The following MINPP1 variants were observed in gnomAD, a reference collection of about 807,000 sequenced individuals.
MINPP1 encodes multiple inositol-polyphosphate phosphatase 1, also known as multiple inositol polyphosphate phosphatase 1.
MINPP1 carries 28 observed loss-of-function variants against 46.1 expected under a neutral mutation model. That is an observed-to-expected ratio of 0.61 (90% CI 0.45 to 0.83). The LOEUF is 0.83. Among genes scored for constraint, MINPP1 ranks in the 40% least tolerant of loss-of-function variants. The pLI, the probability that MINPP1 is intolerant of heterozygous loss-of-function variation, is 0.00. For synonymous variants in MINPP1, 268 were observed against 249.1 expected, an observed-to-expected ratio of 1.08 and a Z score of -0.72; for missense variants, 603 against 610.0, an observed-to-expected ratio of 0.99 and a Z score of 0.12.
At chr10:87,528,158 C>G (rs1291363104) in intron 4 of MINPP1, among the ~76,000 whole-genome samples, 2 of 152,076 alleles carry the variant, frequency 1.3e-5, no homozygotes, top group Non-Finnish European at 2.9e-5. Flanking sequence ...AAAAACCCAC[C>G]TCCTAGATTC....
At chr10:87,507,107 G>C (rs1254310008) in intron 1 of MINPP1, among the ~76,000 whole-genome samples, 1 of 152,160 alleles carries the variant, frequency 6.6e-6, no homozygotes, top group African/African-American at 2.4e-5. Flanking sequence ...CAGAGCCAGG[G>C]ATGAAAATAC....
intron 1 of MINPP1, chr10:87,507,957 A>G (rs1851277304): frequency 4.5e-6 from 6 of 1,333,114 alleles, no homozygotes; most frequent in Non-Finnish European, 5.7e-6. Context: ...GTGAAAAAAT[A>G]GATTCCATAT....
chr10:87,505,611 C>T lies in MINPP1; in HGVS notation c.637+59C>T. 1 of 1,497,990 alleles carries T rather than the reference C, an allele frequency of 6.7e-7. No individual in the cohort carries two copies. Among genetic ancestry groups the T allele is most frequent in the Non-Finnish European group, 9.0e-7 (1 of 1,112,640 alleles). The allele number at this position is 1,497,990 out of a possible 1,614,324, so 92.8% of individuals were successfully genotyped here. A position where few individuals can be genotyped will look rare whatever the true frequency, so the allele number is the denominator to read the frequency against. On this transcript the variant is annotated intron_variant, in intron 1 of 4. Coordinates refer to ENST00000371996, the MANE Select transcript of MINPP1 (RefSeq NM_004897.5). The surrounding 1 kb of genome is among the most constrained non-coding windows in gnomAD (Gnocchi z 4.4). The stretch of plus-strand genomic sequence containing the variant: ...TCCTCCCACCCGCCCTGGATGCTCT[C>T]CCGCCTCCCCCAGACCCTGGGCTTT...
intron 4 of MINPP1, among the ~76,000 whole-genome samples, chr10:87,541,762 A>G (rs572461829): frequency 6.6e-6 from 1 of 152,306 alleles, no homozygotes; most frequent in South Asian, 2.1e-4. Context: ...CGAAAGCGAG[A>G]GAAGGAAGAG....
rs1851279230 is a variant in MINPP1, at chr10:87,508,078, A to G, written c.638-258A>G. 4.7e-6 allele frequency: 7 copies of G among 1,474,228 alleles called. 1 individual carries two copies. Among genetic ancestry groups the G allele is most frequent in the Middle Eastern group, 2.4e-4 (1 of 4,148 alleles). The allele number at this position is 1,474,228 out of a possible 1,614,324, so 91.3% of individuals were successfully genotyped here. On this transcript the variant is annotated intron_variant, in intron 1 of 4. Transcript: ENST00000371996. The stretch of plus-strand genomic sequence containing the variant: ...ACTTATTAATGTATGATGCAATTTC[A>G]TTGCGTAGCATCTCTACAACACATT...
chr10:87,529,158 T>A (rs552898799), intron 4 of MINPP1, among the ~76,000 whole-genome samples: 40 of 152,370 alleles, frequency 2.6e-4, no homozygotes, highest in African/African-American at 9.1e-4. Flanking sequence ...CTTGACTCTT[T>A]ATCCAATTTG....
At position 87,530,119 on chromosome 10, in the gene MINPP1, A is replaced by G. The variant is rs570182293; in HGVS notation, c.1067+8950A>G. ...TAACCATTCGTCTAATCTTTTTTCAAGGTTTTTAGCTTCTTCGTGATGGGT... is the reference window on the plus strand; with the variant it reads ...TAACCATTCGTCTAATCTTTTTTCAGGGTTTTTAGCTTCTTCGTGATGGGT... On this transcript the variant is annotated intron_variant, in intron 4 of 4. Coordinates refer to ENST00000371996, the MANE Select transcript of MINPP1 (RefSeq NM_004897.5). Among the ~76,000 whole-genome samples, 119 of 152,144 alleles carry G rather than the reference A, an allele frequency of 7.8e-4. 1 individual carries two copies. The highest frequency in any genetic ancestry group is 1.4e-3 in the African/African-American group (57 of 41,504).
chr10:87,530,112 T>C (rs1322319244), intron 4 of MINPP1, among the ~76,000 whole-genome samples: 1 of 152,206 alleles, frequency 6.6e-6, no homozygotes, highest in African/African-American at 2.4e-5. Context: ...CGTCTAATCT[T>C]TTTTCAAGGT....
intron 3 of MINPP1, among the ~76,000 whole-genome samples, 175 bp downstream of exon 3, chr10:87,513,396 G>A (rs1215634713): frequency 1.3e-5 from 2 of 152,100 alleles, no homozygotes; most frequent in Admixed American, 1.3e-4. Context: ...GGTTCAAATT[G>A]GTCCCACCTA....
chr10:87,514,637 C>A (rs1387530261), intron 3 of MINPP1, among the ~76,000 whole-genome samples: 1 of 152,154 alleles, frequency 6.6e-6, no homozygotes, highest in East Asian at 1.9e-4. Flanking sequence ...ACATTTTTGA[C>A]AAGAGCACTA....
At chr10:87,533,320 T>C (rs1851686479) in intron 4 of MINPP1, among the ~76,000 whole-genome samples, 2 of 152,186 alleles carry the variant, frequency 1.3e-5, no homozygotes, top group Admixed American at 1.3e-4. Context: ...GCCCTTGAAA[T>C]TCAGCTCCTT....
chr10:87,546,166 C>G (rs780791150), intron 4 of MINPP1, among the ~76,000 whole-genome samples: 1 of 152,194 alleles, frequency 6.6e-6, no homozygotes, highest in African/African-American at 2.4e-5. Flanking sequence ...ATAAATTAAT[C>G]GTATGCTAAA....
At chr10:87,512,686 C>G (rs1234463409) in intron 2 of MINPP1, among the ~76,000 whole-genome samples, 2 of 152,130 alleles carry the variant, frequency 1.3e-5, no homozygotes, top group African/African-American at 4.8e-5. Flanking sequence ...TTGGGTTATA[C>G]TTTTTGTTGA....
chr10:87,541,707 G>T lies in MINPP1; in HGVS notation c.1068-10375G>T, dbSNP rs370930906. On this transcript the variant is annotated intron_variant, in intron 4 of 4. Transcript: ENST00000371996. ...GGGCCTCAGGAAGCTTACAGTCATG[G>T]TGGAAGAGAAAGGGAGCCAGTGTAC... Among the ~76,000 whole-genome samples the T allele has an allele frequency of 8.1e-4, 123 of 152,350 alleles. 4 individuals carry two copies. In the South Asian group the frequency reaches 0.025, roughly 31 times the overall value.
At chr10:87,538,330 T>A (rs1316853996) in intron 4 of MINPP1, among the ~76,000 whole-genome samples, 5 of 152,152 alleles carry the variant, frequency 3.3e-5, no homozygotes, top group Admixed American at 3.3e-4. Flanking sequence ...CCCGAGCTGT[T>A]TGGGCATCCC....
At chr10:87,546,713 G>A (rs537787642) in intron 4 of MINPP1, 11 of 152,268 alleles carry the variant, frequency 7.2e-5, no homozygotes, top group African/African-American at 2.4e-4. Context: ...CATCACTTGG[G>A]GCCAGGAGTT....
At chr10:87,535,928 C>CTAAA (rs34576339) in intron 4 of MINPP1, among the ~76,000 whole-genome samples, 35,624 of 151,178 alleles carry the variant, frequency 0.24, 4,798 homozygotes, top group Non-Finnish European at 0.31. Context: ...GACCCTGTCT[C>CTAAA]TAAATAAATA....
Position 87,523,355 on chromosome 10 carries a change from TG to T in MINPP1, c.1067+2187del, listed in dbSNP as rs1378305930. The stretch of plus-strand genomic sequence containing the variant: ...ATATTTCTCTGTCATATGAAATTTC[TG>T]TTTTTTTTTTTTGAGACAGAGTCTC... On this transcript the variant is annotated intron_variant, in intron 4 of 4. Transcript: ENST00000371996. Among the ~76,000 whole-genome samples, 53 of 138,110 alleles carry T rather than the reference TG, an allele frequency of 3.8e-4. 1 individual carries two copies. The highest frequency in any genetic ancestry group is 3.6e-3 in the Admixed American group (48 of 13,368). The allele number at this position is 138,110 out of a possible 152,430, so 90.6% of individuals were successfully genotyped here.
chr10:87,522,145 A>G (rs138558400), intron 4 of MINPP1, among the ~76,000 whole-genome samples: 58 of 152,366 alleles, frequency 3.8e-4, no homozygotes, highest in African/African-American at 1.3e-3. Context: ...AGTATTTAAC[A>G]AAAGTGTAAA....
Sources: gnomAD v4.1 joint callset for allele counts (sites outside exome capture counted in the v4.1 genomes callset) on GRCh38, gnomAD v4.1.1 for gene constraint, Gnocchi (gnomAD v3.1) non-coding constraint, MANE v1.5 for transcripts, NCBI Gene and HGNC (gene_info 2026-07-23, HGNC 2026-07-21) for gene names.